NHSL1: variants seen among roughly 807,000 people sequenced by gnomAD.
NHSL1 encodes NHS-like protein 1.
In NHSL1, 48 loss-of-function variants were observed where a neutral mutation model predicts 95.0. The ratio of observed to expected loss-of-function variants is 0.51; its 90% CI spans 0.40 to 0.64. The LOEUF is 0.64. Among genes scored for constraint, NHSL1 ranks in the 30% least tolerant of loss-of-function variants. The pLI is 0.00. For missense variants in NHSL1, 1,971 were observed against 2,077.7 expected, an observed-to-expected ratio of 0.95 and a Z score of 1.00; for synonymous variants, 783 against 833.9, an observed-to-expected ratio of 0.94 and a Z score of 1.05.
chr6:138,511,936 A>G (rs1781251516), intron 1 of NHSL1, among the ~76,000 whole-genome samples: 1 of 152,222 alleles, frequency 6.6e-6, no homozygotes. Context: ...GGGAGAAAAT[A>G]AACAGGGTCT....
At chr6:138,437,471 C>T (rs1323135009) in intron 5 of NHSL1, among the ~76,000 whole-genome samples, 1 of 130,508 alleles carries the variant, frequency 7.7e-6, no homozygotes, top group Non-Finnish European at 1.6e-5. Flanking sequence ...AAATACAATG[C>T]ACCTAGTCAC....
intron 1 of NHSL1, among the ~76,000 whole-genome samples, chr6:138,526,204 C>G (rs1215148454): frequency 2.0e-5 from 3 of 151,962 alleles, no homozygotes; most frequent in Non-Finnish European, 4.4e-5. Context: ...ATTTTGTAGC[C>G]AGGTGCAATG....
intron 1 of NHSL1, among the ~76,000 whole-genome samples, chr6:138,686,171 GTA>G (rs1320828322): frequency 6.6e-6 from 1 of 152,060 alleles, no homozygotes; most frequent in Admixed American, 6.5e-5. Flanking sequence ...AAAAAAAAGA[GTA>G]TGTGAGATAA....
At chr6:138,663,640 C>T (rs1224120637) in intron 1 of NHSL1, among the ~76,000 whole-genome samples, 1 of 150,934 alleles carries the variant, frequency 6.6e-6, no homozygotes, top group Non-Finnish European at 1.5e-5. Context: ...AAGGCTGAGG[C>T]GGGTGGATCA....
intron 1 of NHSL1, among the ~76,000 whole-genome samples, chr6:138,615,501 C>T (rs968477102): frequency 1.3e-5 from 2 of 152,226 alleles, no homozygotes; most frequent in African/African-American, 4.8e-5. Flanking sequence ...GACGGAGTCT[C>T]GCTCTGTCGC....
At chr6:138,463,508 T>G (rs1354190380) in intron 3 of NHSL1, among the ~76,000 whole-genome samples, 1 of 116,322 alleles carries the variant, frequency 8.6e-6, no homozygotes, top group South Asian at 2.4e-4. Flanking sequence ...GATGTTCTTT[T>G]TTTTTTTTTT....
At chr6:138,686,279 T>G (rs1307054240) in intron 1 of NHSL1, among the ~76,000 whole-genome samples, 1 of 152,214 alleles carries the variant, frequency 6.6e-6, no homozygotes, top group African/African-American at 2.4e-5. Flanking sequence ...CCTAGCATTT[T>G]GGGAGGCCAA....
At chr6:138,609,371 C>A (rs1471834928) in intron 1 of NHSL1, among the ~76,000 whole-genome samples, 1 of 152,166 alleles carries the variant, frequency 6.6e-6, no homozygotes, top group Non-Finnish European at 1.5e-5. Flanking sequence ...TCACGCACAG[C>A]CCAAGAATTA....
At chr6:138,504,334 T>C (rs1358731770), upstream of NHSL1, among the ~76,000 whole-genome samples, 2 of 152,192 alleles carry the variant, frequency 1.3e-5, no homozygotes, top group East Asian at 3.8e-4. Context: ...TCATTGACCT[T>C]TGGAAGTTCA....
intron 3 of NHSL1, among the ~76,000 whole-genome samples, chr6:138,471,965 G>C (rs577272788): frequency 1.6e-3 from 235 of 146,862 alleles, no homozygotes; most frequent in Middle Eastern, 6.9e-3. Flanking sequence ...GATCACTTGA[G>C]GTCAGGAATT....
At chr6:138,666,409 G>A (rs1170076708) in intron 1 of NHSL1, among the ~76,000 whole-genome samples, 1 of 151,994 alleles carries the variant, frequency 6.6e-6, no homozygotes, top group East Asian at 1.9e-4. Context: ...GGCTAACACG[G>A]TGAAACCCCG....
intron 1 of NHSL1, among the ~76,000 whole-genome samples, chr6:138,534,510 A>G (rs1005269855): frequency 6.6e-6 from 1 of 152,196 alleles, no homozygotes; most frequent in Admixed American, 6.5e-5. Context: ...TTTTCATAGA[A>G]TTCATCACAC....
intron 1 of NHSL1, among the ~76,000 whole-genome samples, chr6:138,647,905 T>G (rs1272092005): frequency 6.6e-6 from 1 of 152,176 alleles, no homozygotes; most frequent in Non-Finnish European, 1.5e-5. Context: ...GTGTCTAATT[T>G]TCTTACACAC....
In NHSL1 at chr6:138,536,819, G is replaced by A. The variant is rs192633489; in HGVS notation, c.16+8804C>T. Among the ~76,000 whole-genome samples the A allele has an allele frequency of 2.6e-5, 4 of 152,038 alleles. No individual in the cohort carries two copies. The East Asian group carries it at 7.8e-4, about 29-fold the overall frequency. On this transcript the variant is annotated intron_variant, in intron 1 of 4. Transcript: ENST00000342260. Reference sequence around the variant, plus strand: ...CAGACATATGTCATCTTCTGAGTATGCTACTTGTTTTAAACTTCCATCGTA... The same window carrying A: ...CAGACATATGTCATCTTCTGAGTATACTACTTGTTTTAAACTTCCATCGTA...
intron 1 of NHSL1, among the ~76,000 whole-genome samples, chr6:138,514,656 T>A (rs1255261567): frequency 6.6e-6 from 1 of 151,854 alleles, no homozygotes; most frequent in African/African-American, 2.4e-5. Context: ...GGTGGCTCAC[T>A]CCTGCAATCT....
chr6:138,430,260 T>C lies in NHSL1; in HGVS notation c.3952+133A>G, dbSNP rs1410156101. The C allele has an allele frequency of 7.9e-6, 10 of 1,266,514 alleles. No individual in the cohort carries two copies. Among genetic ancestry groups the C allele is most frequent in the Non-Finnish European group, 1.0e-5 (10 of 962,778 alleles). The allele number at this position is 1,266,514 out of a possible 1,614,324, so 78.5% of individuals were successfully genotyped here. ...AATCTGTGTTTTAACACAGGAAGCC[T>C]ACATACTGCTAGCTTTAACAGGAAT... On this transcript the variant is annotated intron_variant, in intron 6 of 7. Transcript: ENST00000343505. This position sits in a 1 kb window ranked among gnomAD's most constrained non-coding sequence, Gnocchi z 4.7.
chr6:138,483,743 A>T (rs1298616655), intron 2 of NHSL1, among the ~76,000 whole-genome samples: 2 of 152,188 alleles, frequency 1.3e-5, no homozygotes, highest in African/African-American at 4.8e-5. Flanking sequence ...CCACGCCCTG[A>T]ATGTAAAAGC....
At chr6:138,604,370 A>G (rs1360005473) in intron 1 of NHSL1, among the ~76,000 whole-genome samples, 1 of 152,170 alleles carries the variant, frequency 6.6e-6, no homozygotes, top group Non-Finnish European at 1.5e-5. Flanking sequence ...AAACTTCAAA[A>G]ATCTAACGAA....
rs547677219 is a variant in NHSL1 at position 138,680,616 on chromosome 6, C to A, written c.96+11860G>T. On this transcript the variant is annotated intron_variant, in intron 1 of 3. Transcript: ENST00000491526. ...ACAGAAGCCTCTCCTCCCTTTTCCT[C>A]TTTTATTTTATTTTTTTTAAAGCAG... 1.9e-3 allele frequency among the ~76,000 whole-genome samples: 283 copies of A among 152,182 alleles called. 1 individual carries two copies. The highest frequency in any genetic ancestry group is 6.6e-3 in the African/African-American group (273 of 41,550).
Sources: allele counts gnomAD v4.1 joint callset (sites outside exome capture counted in the v4.1 genomes callset), GRCh38; gene constraint gnomAD v4.1.1; non-coding constraint Gnocchi (gnomAD v3.1); transcripts MANE v1.5; gene names NCBI Gene and HGNC (gene_info 2026-07-23, HGNC 2026-07-21).